Variants in SPART observed in about 807,000 individuals in gnomAD.
SPART encodes spartin, also known as spastic paraplegia 20 (Troyer syndrome).
Under a neutral mutation model 58.7 loss-of-function variants are expected in SPART, and 35 were observed. The observed-to-expected ratio is 0.60, with a 90% CI of 0.46 to 0.79. The LOEUF (loss-of-function observed/expected upper bound fraction) is 0.79, where lower values mean the gene tolerates loss of function less well. SPART is among the 30% of genes least tolerant of loss of function. The pLI is 0.00. For missense variants in SPART, 730 were observed against 786.1 expected (o/e 0.93, Z 0.85); for synonymous variants, 284 against 280.7 (o/e 1.01, Z -0.12).
chr13:36,336,275 A>G (rs367821904), intron 1 of SPART: 2 of 158,958 alleles, frequency 1.3e-5, no homozygotes, highest in East Asian at 3.7e-4. Flanking sequence ...AAAGTGAATG[A>G]AACTTTGTTA....
intron 3 of SPART, among the ~76,000 whole-genome samples, chr13:36,329,773 CA>C (rs1349580785): frequency 6.6e-6 from 1 of 152,146 alleles, no homozygotes; most frequent in Non-Finnish European, 1.5e-5. Flanking sequence ...CAACTTATAG[CA>C]GTTGTTGGTA....
intron 1 of SPART, among the ~76,000 whole-genome samples, chr13:36,364,333 CA>C (rs1291905320): frequency 6.6e-6 from 1 of 152,182 alleles, no homozygotes; most frequent in Non-Finnish European, 1.5e-5. Flanking sequence ...TGTATTCCTT[CA>C]TTTTTAAACT....
intron 8 of SPART, among the ~76,000 whole-genome samples, 197 bp downstream of exon 8, chr13:36,311,948 A>T (rs1881157423): frequency 6.6e-6 from 1 of 151,958 alleles, no homozygotes; most frequent in African/African-American, 2.4e-5. Flanking sequence ...TTAGCCGGGC[A>T]TGGTGGCGTG....
chr13:36,302,230 AATTTT>A lies in SPART; in HGVS notation c.*2130_*2134del, dbSNP rs1880056758. 2 of 141,346 alleles carry A rather than the reference AATTTT, an allele frequency of 1.4e-5. No homozygotes were observed. Among genetic ancestry groups the A allele is most frequent in the African/African-American group, 2.5e-5 (1 of 40,198 alleles). The allele number at this position is 141,346 out of a possible 1,614,324, so 8.8% of individuals were successfully genotyped here. The stretch of plus-strand genomic sequence containing the variant: ...TCATCATACCTTACAAGTAATATAT[AATTTT>A]ATCTATATATCAATCATTACACAAT... On this transcript the variant is annotated 3_prime_UTR_variant, in exon 9 of 9. Transcript: ENST00000438666.
chr13:36,344,584 A>G (rs998971864), intron 1 of SPART, among the ~76,000 whole-genome samples: 1 of 152,196 alleles, frequency 6.6e-6, no homozygotes, highest in Non-Finnish European at 1.5e-5. Flanking sequence ...ATATTAAAAT[A>G]TCACATTTTT....
intron 1 of SPART, among the ~76,000 whole-genome samples, chr13:36,353,681 A>C (rs1023797476): frequency 1.3e-5 from 2 of 152,182 alleles, no homozygotes; most frequent in Admixed American, 6.5e-5. Flanking sequence ...AGGAGGGAAG[A>C]TGAGAGCCAC....
chr13:36,312,090 A>AAAC, intron 8 of SPART, 55 bp downstream of exon 8: 12 of 1,547,046 alleles, frequency 7.8e-6, no homozygotes, highest in South Asian at 5.6e-5. Context: ...CCTCTCAGAA[A>AAAC]AACAACAACA....
At chr13:36,310,863 A>C (rs1593221919) in intron 8 of SPART, among the ~76,000 whole-genome samples, 1 of 151,230 alleles carries the variant, frequency 6.6e-6, no homozygotes, top group Non-Finnish European at 1.5e-5. Context: ...TTGTTCACCC[A>C]CCCTCGCCCC....
intron 8 of SPART, among the ~76,000 whole-genome samples, chr13:36,309,839 T>C (rs1035826555): frequency 1.2e-4 from 19 of 152,086 alleles, no homozygotes; most frequent in Admixed American, 1.0e-3. Flanking sequence ...CACAACAAAT[T>C]CTATGTAACA....
intron 6 of SPART, among the ~76,000 whole-genome samples, chr13:36,313,576 C>A (rs936582190): frequency 2.6e-5 from 4 of 152,118 alleles, no homozygotes; most frequent in African/African-American, 7.2e-5. Context: ...AGTTTTTATG[C>A]CATTTTTTAT....
chr13:36,325,683 C>T (rs1882858284), intron 5 of SPART, among the ~76,000 whole-genome samples: 1 of 152,160 alleles, frequency 6.6e-6, no homozygotes, highest in African/African-American at 2.4e-5. Flanking sequence ...AGATGTGTCA[C>T]TAATGATCAT....
intron 1 of SPART, chr13:36,365,678 A>G (rs550807884): frequency 8.8e-5 from 40 of 452,200 alleles, no homozygotes; most frequent in African/African-American, 8.0e-4. Flanking sequence ...TAATTTGTAT[A>G]TACTTGTAGA....
chr13:36,326,448 TA>T, intron 5 of SPART, 126 bp downstream of exon 5: 2 of 1,133,330 alleles, frequency 1.8e-6, no homozygotes, highest in Non-Finnish European at 2.6e-6. Flanking sequence ...CATTTATTTC[TA>T]AATTGATCAT....
At chr13:36,356,967 A>C (rs1263897028) in intron 1 of SPART, among the ~76,000 whole-genome samples, 3 of 152,228 alleles carry the variant, frequency 2.0e-5, no homozygotes, top group Non-Finnish European at 4.4e-5. Flanking sequence ...AGTTTTAATC[A>C]TTATCCCTCA....
chr13:36,304,734 G>A (rs1880335328), intron 8 of SPART, 102 bp from the exon 9 acceptor site: 1 of 1,262,774 alleles, frequency 7.9e-7, no homozygotes, highest in Non-Finnish European at 1.1e-6. Flanking sequence ...TGTTACCCCT[G>A]AAAGCAAAAT....
At chr13:36,340,030 T>C (rs915763991) in intron 1 of SPART, among the ~76,000 whole-genome samples, 3 of 152,066 alleles carry the variant, frequency 2.0e-5, no homozygotes, top group Non-Finnish European at 4.4e-5. Flanking sequence ...ATCACACCAC[T>C]GTACTCCAGC....
chr13:36,345,344 G>T (rs1245890615), intron 1 of SPART, among the ~76,000 whole-genome samples: 1 of 152,150 alleles, frequency 6.6e-6, no homozygotes, highest in Non-Finnish European at 1.5e-5. Context: ...TTAAGTCTAC[G>T]ATTATAAAGA....
rs148672324 is a variant in SPART, at chr13:36,329,396, T to C, written c.1130A>G (p.Lys377Arg). 6.2e-7 allele frequency: 1 copy of C among 1,614,198 alleles called. No individual in the cohort carries two copies. ...ACGTTTTCCTTTATGACGTACATCC[T>C]TATTGCCTTGGTCCAACTGTTTCAC... ...TDVKQLDQGN[K>R]DVRHKGKRGK... Residue 377 changes from lysine to arginine, a missense_variant, in exon 4 of 9, where the codon AAG becomes AGG. Lys to Arg is a conservative substitution (Grantham distance 26, BLOSUM62 2). Coordinates refer to ENST00000438666, the MANE Select transcript of SPART (RefSeq NM_015087.5).
intron 2 of SPART, 98 bp downstream of exon 2, chr13:36,334,923 A>C: frequency 2.1e-6 from 2 of 940,918 alleles, no homozygotes; most frequent in South Asian, 2.9e-5. Context: ...ATTTGTCGTT[A>C]TCTTTTTGCA....
Sources: gnomAD v4.1 joint callset for allele counts (sites outside exome capture counted in the v4.1 genomes callset) on GRCh38, gnomAD v4.1.1 for gene constraint, MANE v1.5 for transcripts, NCBI Gene and HGNC (gene_info 2026-07-23, HGNC 2026-07-21) for gene names.